MINPP1: variants seen among roughly 807,000 people sequenced by gnomAD.
MINPP1 encodes the protein multiple inositol-polyphosphate phosphatase 1, also known as multiple inositol polyphosphate phosphatase 1.
Under a neutral mutation model 46.1 loss-of-function variants are expected in MINPP1, and 28 were observed. The observed-to-expected ratio is 0.61, with a 90% confidence interval of 0.45 to 0.83. The LOEUF is 0.83. MINPP1 is among the 40% of genes least tolerant of loss of function. The pLI, the probability that MINPP1 is intolerant of heterozygous loss-of-function variation, is 0.00. For missense variants in MINPP1, 603 were observed against 610.0 expected, an observed-to-expected ratio of 0.99 and a Z score of 0.12; for synonymous variants, 268 against 249.1, an observed-to-expected ratio of 1.08 and a Z score of -0.72.
rs752187297 is a variant in MINPP1 at position 87,505,434 on chromosome 10, C to T, written c.519C>T (p.Asn173=). The T allele has an allele frequency of 6.2e-7, 1 of 1,613,340 alleles. No individual in the cohort carries two copies. The highest frequency in any genetic ancestry group is 8.5e-7 in the Non-Finnish European group (1 of 1,179,720). The change falls in exon 1 of 5, where the codon AAC becomes AAT. Residue 173 remains asparagine, a synonymous_variant. Transcript: ENST00000371996. The surrounding 1 kb of genome is among the most constrained non-coding windows in gnomAD (Gnocchi z 4.4). Reference sequence around the variant, plus strand: ...TCCCGGCCCTTTTCAGCCGTGAGAACTACGGCCGCCTGCGGCTCATCACCA... The same window carrying T: ...TCCCGGCCCTTTTCAGCCGTGAGAATTACGGCCGCCTGCGGCTCATCACCA... ...SLFPALFSRE[N]YGRLRLITSS... is the part of the protein sequence containing the mutation.
intron 4 of MINPP1, among the ~76,000 whole-genome samples, chr10:87,533,926 A>G (rs929891666): frequency 3.3e-5 from 5 of 152,100 alleles, no homozygotes; most frequent in Non-Finnish European, 5.9e-5. Context: ...ATGTACGCCA[A>G]TTCTAGGTGT....
intron 4 of MINPP1, among the ~76,000 whole-genome samples, chr10:87,550,508 A>C (rs1851946975): frequency 1.3e-5 from 2 of 152,106 alleles, no homozygotes; most frequent in African/African-American, 4.8e-5. Context: ...GTACTTTTTG[A>C]GTATATATTT....
intron 4 of MINPP1, among the ~76,000 whole-genome samples, chr10:87,537,844 A>G (rs1851759681): frequency 6.6e-6 from 1 of 151,950 alleles, no homozygotes; most frequent in South Asian, 2.1e-4. Flanking sequence ...ATCATAGCTC[A>G]CTACAGCCTC....
At chr10:87,527,671 C>CT (rs956490136) in intron 4 of MINPP1, among the ~76,000 whole-genome samples, 5 of 150,904 alleles carry the variant, frequency 3.3e-5, no homozygotes, top group Admixed American at 2.0e-4. Flanking sequence ...GTCTAAAATT[C>CT]TTTTTTTTTG....
intron 4 of MINPP1, among the ~76,000 whole-genome samples, chr10:87,523,734 A>G (rs1009565930): frequency 6.6e-6 from 1 of 152,200 alleles, no homozygotes; most frequent in Non-Finnish European, 1.5e-5. Context: ...GGGATGCAGA[A>G]TAGATTTTGT....
chr10:87,515,822 ATTTTTT>A (rs71019482), intron 3 of MINPP1, among the ~76,000 whole-genome samples: 2 of 84,106 alleles, frequency 2.4e-5, no homozygotes, highest in Admixed American at 1.4e-4. Context: ...TTTGTTAAGA[ATTTTTT>A]TTTTTTTTTT....
intron 3 of MINPP1, among the ~76,000 whole-genome samples, chr10:87,515,649 G>C (rs1339871504): frequency 6.6e-6 from 1 of 152,074 alleles, no homozygotes; most frequent in Non-Finnish European, 1.5e-5. Flanking sequence ...GTATTTACAG[G>C]TGAAATAAAA....
At chr10:87,546,194 A>C (rs572969218) in intron 4 of MINPP1, among the ~76,000 whole-genome samples, 2 of 152,232 alleles carry the variant, frequency 1.3e-5, no homozygotes, top group African/African-American at 4.8e-5. Context: ...TGGATTATTC[A>C]TGAGTTTTCT....
intron 3 of MINPP1, among the ~76,000 whole-genome samples, chr10:87,515,782 T>C (rs1375323620): frequency 1.3e-5 from 2 of 152,014 alleles, no homozygotes; most frequent in Admixed American, 1.3e-4. Context: ...GTTATACTAC[T>C]GTTTTATATT....
intron 4 of MINPP1, among the ~76,000 whole-genome samples, chr10:87,530,404 T>G (rs958446663): frequency 5.3e-5 from 8 of 152,222 alleles, no homozygotes; most frequent in Admixed American, 1.3e-4. Context: ...GTGGATGTCC[T>G]TTCTGTTTGT....
intron 4 of MINPP1, among the ~76,000 whole-genome samples, chr10:87,534,042 ATTTTTTTTTTTTT>A (rs58579107): frequency 0.017 from 946 of 55,548 alleles, 17 homozygotes; most frequent in African/African-American, 0.066. Context: ...CTGGCTAAAT[ATTTTTTTTTTTTT>A]TTTTTTTTTT....
At position 87,521,188 on chromosome 10, in the gene MINPP1, A is replaced by G; in HGVS notation, c.1067+19A>G. ...AACAAAGGTAAGAACTTTCTAAAAA[A>G]TGTGAAGTACATTTTGAGTTACTAC... On this transcript the variant is annotated intron_variant, in intron 4 of 4. Transcript: ENST00000371996. The G allele has an allele frequency of 6.2e-7, 1 of 1,604,116 alleles. No homozygotes were observed. The highest frequency in any genetic ancestry group is 8.5e-7 in the Non-Finnish European group (1 of 1,172,920).
At position 87,505,554 on chromosome 10, in the gene MINPP1, T is replaced by TGACC; in HGVS notation, c.637+3_637+6dup. The stretch of plus-strand genomic sequence containing the variant: ...GCTTGCCGCCGCCGGACGTCGCAGG[T>TGACC]GACCCCCCGGGCGGCCCGTGTGCTG... On this transcript the variant is annotated splice_region_variant and intron_variant, in intron 1 of 4. Transcript: ENST00000371996. This position sits in a 1 kb window ranked among gnomAD's most constrained non-coding sequence, Gnocchi z 4.4. 6.2e-7 allele frequency: 1 copy of TGACC among 1,601,700 alleles called. No homozygotes were observed. Among genetic ancestry groups the TGACC allele is most frequent in the African/African-American group, 1.3e-5 (1 of 74,888 alleles).
chr10:87,508,164 T>C (rs1317606781), intron 1 of MINPP1, 172 bp from the exon 2 acceptor site: 2 of 1,542,006 alleles, frequency 1.3e-6, no homozygotes, highest in Non-Finnish European at 8.7e-7. Context: ...ACAGCCATTA[T>C]AAATGGGGAA....
At chr10:87,506,039 CTCA>C (rs202037193) in intron 1 of MINPP1, among the ~76,000 whole-genome samples, 119 of 146,338 alleles carry the variant, frequency 8.1e-4, no homozygotes, top group Middle Eastern at 3.4e-3. Context: ...TTTTTTTAAA[CTCA>C]TCATCTTTTT....
intron 4 of MINPP1, among the ~76,000 whole-genome samples, chr10:87,538,105 C>T (rs1209708625): frequency 2.4e-5 from 3 of 126,556 alleles, no homozygotes; most frequent in Non-Finnish European, 5.4e-5. Context: ...ATTAGCTCTG[C>T]TAATTTTTTT....
intron 4 of MINPP1, among the ~76,000 whole-genome samples, chr10:87,537,848 C>T (rs778308975): frequency 2.1e-4 from 32 of 152,110 alleles, no homozygotes; most frequent in Non-Finnish European, 4.0e-4. Flanking sequence ...TAGCTCACTA[C>T]AGCCTCAACC....
chr10:87,509,560 G>A (rs961519529), intron 2 of MINPP1, among the ~76,000 whole-genome samples: 3 of 152,156 alleles, frequency 2.0e-5, no homozygotes, highest in Non-Finnish European at 4.4e-5. Flanking sequence ...TTAACTTTGT[G>A]CTTCAGTTAC....
At position 87,504,945 on chromosome 10, in the gene MINPP1, G is replaced by T. The variant is rs1415866380; in HGVS notation, c.30G>T (p.Arg10=). MLRAPGCLL[R]TSVAPAAALA... ...TACGCGCGCCCGGCTGCCTCCTCCG[G>T]ACCTCCGTAGCGCCTGCCGCGGCCC... Residue 10 remains arginine, a synonymous_variant, in exon 1 of 5, where the codon CGG becomes CGT. Transcript: ENST00000371996. The T allele has an allele frequency of 1.1e-5, 18 of 1,611,464 alleles. No individual in the cohort carries two copies. The highest frequency in any genetic ancestry group is 1.5e-5 in the Non-Finnish European group (18 of 1,179,384).
Sources: allele counts gnomAD v4.1 joint callset (sites outside exome capture counted in the v4.1 genomes callset), GRCh38; gene constraint gnomAD v4.1.1; non-coding constraint Gnocchi (gnomAD v3.1); transcripts MANE v1.5; gene names NCBI Gene and HGNC (gene_info 2026-07-23, HGNC 2026-07-21).